KCNIP4: variants seen among roughly 807,000 people sequenced by gnomAD.
The protein encoded by KCNIP4 is Kv channel-interacting protein 4.
A neutral mutation model predicts 34.0 loss-of-function variants in KCNIP4; 12 were observed. The ratio of observed to expected loss-of-function variants is 0.35; its 90% CI spans 0.23 to 0.57. The LOEUF (loss-of-function observed/expected upper bound fraction) is 0.57. Ranked by LOEUF, KCNIP4 falls within the 20% of genes least tolerant of loss-of-function variation. KCNIP4 has a pLI of 0.83. For missense variants in KCNIP4, 238 were observed against 311.7 expected (o/e 0.76, Z 1.78); for synonymous variants, 124 against 102.2 (o/e 1.21, Z -1.29).
chr4:21,140,478 C>T (rs1751859903), intron 1 of KCNIP4, among the ~76,000 whole-genome samples: 1 of 152,034 alleles, frequency 6.6e-6, no homozygotes, highest in Non-Finnish European at 1.5e-5. Flanking sequence ...AAAAGGATTG[C>T]ACAATGTTAA....
At chr4:20,969,267 A>G (rs192053336) in intron 1 of KCNIP4, among the ~76,000 whole-genome samples, 1 of 152,288 alleles carries the variant, frequency 6.6e-6, no homozygotes, top group Admixed American at 6.5e-5. Context: ...GAACAGGAAA[A>G]CTAGTTTCAA....
At chr4:21,846,950 C>T (rs1297690150) in intron 1 of KCNIP4, 1 of 152,068 alleles carries the variant, frequency 6.6e-6, no homozygotes, top group East Asian at 1.9e-4. Context: ...ATGAGTCAAC[C>T]CCACCTAATG....
At chr4:21,527,579 G>A (rs1349390471) in intron 1 of KCNIP4, among the ~76,000 whole-genome samples, 1 of 152,126 alleles carries the variant, frequency 6.6e-6, no homozygotes, top group African/African-American at 2.4e-5. Flanking sequence ...AATGATGGAT[G>A]TAAAGAGCCT....
intron 1 of KCNIP4, among the ~76,000 whole-genome samples, chr4:21,399,454 T>C (rs1341787849): frequency 6.6e-6 from 1 of 152,192 alleles, no homozygotes; most frequent in Non-Finnish European, 1.5e-5. Flanking sequence ...GGATTCCTAA[T>C]GACATATTAA....
chr4:21,385,529 T>C (rs1308794159), intron 1 of KCNIP4, among the ~76,000 whole-genome samples: 2 of 152,200 alleles, frequency 1.3e-5, no homozygotes, highest in Non-Finnish European at 2.9e-5. Flanking sequence ...ACTTTTCTTC[T>C]TTAAAAAGAA....
chr4:21,420,010 T>G (rs1725316579), intron 1 of KCNIP4, among the ~76,000 whole-genome samples: 1 of 152,206 alleles, frequency 6.6e-6, no homozygotes, highest in African/African-American at 2.4e-5. Context: ...TTTGACACTG[T>G]GCAAGAGCTA....
intron 1 of KCNIP4, among the ~76,000 whole-genome samples, chr4:21,082,881 A>ATCTATCTG (rs1158155747): frequency 1.3e-5 from 2 of 151,394 alleles, no homozygotes; most frequent in Non-Finnish European, 2.9e-5. Flanking sequence ...CTATCTATCT[A>ATCTATCTG]TCTATCTATC....
intron 1 of KCNIP4, among the ~76,000 whole-genome samples, chr4:21,176,521 T>G (rs1276819695): frequency 6.6e-6 from 1 of 152,230 alleles, no homozygotes; most frequent in East Asian, 1.9e-4. Context: ...TATTTATTTT[T>G]TATTTTTATT....
chr4:21,791,895 G>C (rs1265358172), intron 1 of KCNIP4, among the ~76,000 whole-genome samples: 1 of 149,124 alleles, frequency 6.7e-6, no homozygotes, highest in South Asian at 2.1e-4. Flanking sequence ...CCAGCTACTC[G>C]GGAGGCTGAG....
chr4:21,149,543 T>C (rs1228099932), intron 1 of KCNIP4, among the ~76,000 whole-genome samples: 1 of 152,116 alleles, frequency 6.6e-6, no homozygotes, highest in African/African-American at 2.4e-5. Flanking sequence ...AGAAGTTGAT[T>C]TGGTGAAAGC....
chr4:21,828,378 C>T (rs184218001), intron 1 of KCNIP4, among the ~76,000 whole-genome samples: 1 of 151,684 alleles, frequency 6.6e-6, no homozygotes, highest in Non-Finnish European at 1.5e-5. Flanking sequence ...GTAAGAAGGT[C>T]TAATAACAAT....
chr4:21,599,392 C>A (rs548524466), intron 1 of KCNIP4, among the ~76,000 whole-genome samples: 2 of 151,820 alleles, frequency 1.3e-5, no homozygotes, highest in East Asian at 1.9e-4. Flanking sequence ...TTCAGAATTT[C>A]CTTAAAGAAA....
At chr4:21,491,363 T>C (rs1732381641) in intron 1 of KCNIP4, among the ~76,000 whole-genome samples, 1 of 151,960 alleles carries the variant, frequency 6.6e-6, no homozygotes, top group Non-Finnish European at 1.5e-5. Flanking sequence ...GAGAACTGGG[T>C]CTCTGAAATG....
intron 1 of KCNIP4, among the ~76,000 whole-genome samples, chr4:21,426,777 T>A (rs983196570): frequency 2.0e-5 from 3 of 151,892 alleles, no homozygotes; most frequent in East Asian, 1.9e-4. Flanking sequence ...AAAAAAAAAA[T>A]TAGTTTTAAG....
At chr4:21,775,777 G>A (rs1028610443) in intron 1 of KCNIP4, among the ~76,000 whole-genome samples, 5 of 152,216 alleles carry the variant, frequency 3.3e-5, no homozygotes, top group African/African-American at 1.2e-4. Context: ...GACAAGCCTT[G>A]GGACCAAGCC....
chr4:21,758,346 A>G (rs973557799), intron 1 of KCNIP4, among the ~76,000 whole-genome samples: 4 of 152,200 alleles, frequency 2.6e-5, no homozygotes, highest in East Asian at 1.9e-4. Context: ...AGATGTGTGT[A>G]TGGTTTTGTG....
intron 1 of KCNIP4, among the ~76,000 whole-genome samples, chr4:21,892,550 T>TAAAAAAAAAAA (rs35105632): frequency 7.9e-6 from 1 of 126,372 alleles, no homozygotes; most frequent in Non-Finnish European, 1.6e-5. Context: ...AGCAAAAAAG[T>TAAAAAAAAAAA]AAAAAAAAAA....
intron 1 of KCNIP4, among the ~76,000 whole-genome samples, chr4:21,111,634 G>A (rs768190002): frequency 5.3e-5 from 8 of 152,204 alleles, no homozygotes; most frequent in Non-Finnish European, 8.8e-5. Flanking sequence ...GCCCCAAAGA[G>A]GCTCTAAGGA....
intron 1 of KCNIP4, among the ~76,000 whole-genome samples, chr4:20,930,046 C>T (rs1245409743): frequency 6.6e-6 from 1 of 151,702 alleles, no homozygotes; most frequent in East Asian, 1.9e-4. Context: ...GAACCACAGA[C>T]ACATAAAAAC....
Sources: gnomAD v4.1 joint callset for allele counts (sites outside exome capture counted in the v4.1 genomes callset) on GRCh38, gnomAD v4.1.1 for gene constraint, MANE v1.5 for transcripts, NCBI Gene and HGNC (gene_info 2026-07-23, HGNC 2026-07-21) for gene names.